TOP2B: variants seen among roughly 807,000 people sequenced by gnomAD.
The protein encoded by TOP2B is DNA topoisomerase II beta, also known as DNA topoisomerase 2-beta.
In TOP2B, 51 loss-of-function variants were observed where a neutral mutation model predicts 193.5. The observed-to-expected ratio is 0.26, with a 90% CI of 0.21 to 0.33. TOP2B has a LOEUF of 0.33. Among genes scored for constraint, TOP2B ranks in the 10% least tolerant of loss-of-function variants. The pLI is 1.00. For synonymous variants in TOP2B, 634 were observed against 635.7 expected (o/e 1.00, Z 0.04); for missense variants, 1,378 against 1,909.3 (o/e 0.72, Z 5.19).
intron 4 of TOP2B, among the ~76,000 whole-genome samples, chr3:25,641,704 T>A (rs542471977): frequency 6.6e-4 from 100 of 152,244 alleles, no homozygotes; most frequent in African/African-American, 2.3e-3. Context: ...TAGATTTTTA[T>A]GTTTACTAGA....
At chr3:25,640,535 A>T (rs1703227734) in intron 4 of TOP2B, among the ~76,000 whole-genome samples, 1 of 152,180 alleles carries the variant, frequency 6.6e-6, no homozygotes, top group African/African-American at 2.4e-5. Context: ...ATTAAGAAGC[A>T]AATAAACTTA....
chr3:25,642,446 C>G (rs1414889245), intron 3 of TOP2B, 61 bp from the exon 4 acceptor site: 13 of 1,043,014 alleles, frequency 1.2e-5, no homozygotes, highest in Non-Finnish European at 1.8e-5. Context: ...TACATGGACA[C>G]AACTGTATGT....
chr3:25,658,219 G>A (rs1015048806), intron 1 of TOP2B, among the ~76,000 whole-genome samples: 2 of 151,482 alleles, frequency 1.3e-5, no homozygotes, highest in African/African-American at 2.4e-5. Flanking sequence ...ACAACAGAGC[G>A]AGATTCCATC....
intron 1 of TOP2B, 42 bp downstream of exon 1, chr3:25,664,187 C>T (rs187125240): frequency 1.5e-5 from 23 of 1,537,958 alleles, no homozygotes; most frequent in East Asian, 1.2e-4. Flanking sequence ...CGCCGCGGGC[C>T]CGGAACAATG....
At chr3:25,601,034 G>C (rs1041571671) in intron 34 of TOP2B, 66 bp downstream of exon 34, 18 of 1,529,680 alleles carry the variant, frequency 1.2e-5, no homozygotes, top group Non-Finnish European at 1.5e-5. Flanking sequence ...AATTCAATGA[G>C]GTAGAAAAAA....
chr3:25,618,271 T>C, intron 25 of TOP2B, 147 bp downstream of exon 25: 1 of 622,740 alleles, frequency 1.6e-6, no homozygotes. Context: ...TTATCTGTTC[T>C]GTGGATAAAC....
chr3:25,659,010 C>T (rs1188987661), intron 1 of TOP2B, among the ~76,000 whole-genome samples: 1 of 152,162 alleles, frequency 6.6e-6, no homozygotes, highest in Non-Finnish European at 1.5e-5. Context: ...CACTCATTCA[C>T]ATAATCAACA....
chr3:25,644,644 C>T (rs1297389998), intron 2 of TOP2B, among the ~76,000 whole-genome samples: 2 of 139,246 alleles, frequency 1.4e-5, no homozygotes, highest in African/African-American at 2.7e-5. Flanking sequence ...GAGGTTGCAC[C>T]GAGCCAAGAT....
At chr3:25,617,543 CATT>C (rs1247964585) in intron 25 of TOP2B, among the ~76,000 whole-genome samples, 2 of 152,144 alleles carry the variant, frequency 1.3e-5, no homozygotes, top group African/African-American at 2.4e-5. Flanking sequence ...AATACAAAAA[CATT>C]ATGATTGAGA....
intron 18 of TOP2B, among the ~76,000 whole-genome samples, chr3:25,625,513 CT>C (rs1308808783): frequency 2.0e-5 from 3 of 150,234 alleles, no homozygotes; most frequent in South Asian, 4.2e-4. Flanking sequence ...TGTCAGTTTT[CT>C]TAAAACATCA....
In TOP2B at chr3:25,620,187, T is replaced by C. The variant is rs1702622071; in HGVS notation, c.2863-125A>G. On this transcript the variant is annotated intron_variant, in intron 22 of 35. Coordinates refer to ENST00000264331, the MANE Select transcript of TOP2B (RefSeq NM_001330700.2). ...ATTAAAAAGGAAACCTCAATCTCTA[T>C]CATCTCCTATCCAATCAGTATAGAA... 3 of 644,200 alleles carry C rather than the reference T, an allele frequency of 4.7e-6. 1 individual carries two copies. The highest frequency in any genetic ancestry group is 2.6e-6 in the Non-Finnish European group (1 of 378,300). The allele number at this position is 644,200 out of a possible 1,614,324, so 39.9% of individuals were successfully genotyped here.
At chr3:25,598,879 T>A (rs1037598257) in intron 35 of TOP2B, among the ~76,000 whole-genome samples, 1 of 152,114 alleles carries the variant, frequency 6.6e-6, no homozygotes, top group Non-Finnish European at 1.5e-5. Flanking sequence ...ACTGTAAGTG[T>A]TTAAAAAAAT....
At chr3:25,626,913 T>G in intron 16 of TOP2B, 49 bp from the exon 17 acceptor site, 1 of 1,159,330 alleles carries the variant, frequency 8.6e-7, no homozygotes. Context: ...AAAATAAATT[T>G]TATTACAAAA....
chr3:25,615,612 T>A, intron 25 of TOP2B, 26 bp from the exon 26 acceptor site: 1 of 1,492,506 alleles, frequency 6.7e-7, no homozygotes, highest in Admixed American at 2.5e-5. Context: ...AACTGTATAT[T>A]AAAGTCTTGT....
At chr3:25,614,542 G>C (rs1406272349) in intron 27 of TOP2B, among the ~76,000 whole-genome samples, 1 of 151,734 alleles carries the variant, frequency 6.6e-6, no homozygotes, top group Non-Finnish European at 1.5e-5. Flanking sequence ...TACCACACTT[G>C]TTCTTAAGAG....
At chr3:25,613,936 T>C (rs1326221767) in intron 27 of TOP2B, among the ~76,000 whole-genome samples, 1 of 152,150 alleles carries the variant, frequency 6.6e-6, no homozygotes, top group Non-Finnish European at 1.5e-5. Flanking sequence ...AATGATAACC[T>C]CATTCATTTG....
rs527971339 is a variant in TOP2B at position 25,637,678 on chromosome 3, G to A, written c.542-366C>T. On this transcript the variant is annotated intron_variant, in intron 5 of 35. Transcript: ENST00000264331. ...TTTAATCTATATCATTTCCCGGAGC[G>A]TTGGTTTAAAAAGCAAAACAAAACA... 6.8e-4 allele frequency among the ~76,000 whole-genome samples: 103 copies of A among 151,896 alleles called. 1 individual carries two copies. In the Middle Eastern group the frequency reaches 0.01, roughly 15 times the overall value.
At chr3:25,638,422 T>C (rs923599081) in intron 4 of TOP2B, 112 bp from the exon 5 acceptor site, 2 of 1,246,798 alleles carry the variant, frequency 1.6e-6, no homozygotes, top group Admixed American at 3.7e-5. Flanking sequence ...TAAACCTTAA[T>C]GGTTATAAGA....
Position 25,606,030 on chromosome 3 carries a change from T to A in TOP2B, c.4378+13A>T, listed in dbSNP as rs1253541112. 3 of 1,416,042 alleles carry A rather than the reference T, an allele frequency of 2.1e-6. No individual in the cohort carries two copies. Among genetic ancestry groups the A allele is most frequent in the Non-Finnish European group, 9.5e-7 (1 of 1,052,632 alleles). The allele number at this position is 1,416,042 out of a possible 1,614,324, so 87.7% of individuals were successfully genotyped here. A position where few individuals can be genotyped will look rare whatever the true frequency, so the allele number is the denominator to read the frequency against. On this transcript the variant is annotated intron_variant, in intron 32 of 35. Coordinates refer to ENST00000264331, the MANE Select transcript of TOP2B (RefSeq NM_001330700.2). The stretch of plus-strand genomic sequence containing the variant: ...ATAATACAATAACCAATGAAAAGAC[T>A]AAATGAACATACCATCTTCTGACTT...
Sources: gnomAD v4.1 joint callset for allele counts (sites outside exome capture counted in the v4.1 genomes callset) on GRCh38, gnomAD v4.1.1 for gene constraint, MANE v1.5 for transcripts, NCBI Gene and HGNC (gene_info 2026-07-23, HGNC 2026-07-21) for gene names.